MYO1D: variants seen among roughly 807,000 people sequenced by gnomAD.
MYO1D encodes the protein unconventional myosin-Id.
A neutral mutation model predicts 122.0 loss-of-function variants in MYO1D; 83 were observed. The ratio of observed to expected loss-of-function variants is 0.68; its 90% CI spans 0.57 to 0.82. The LOEUF is 0.82. Ranked by LOEUF, MYO1D falls within the 40% of genes least tolerant of loss-of-function variation. The probability of loss-of-function intolerance (pLI) is 0.00; values close to 1 mark genes in which losing one functional copy is unlikely to be tolerated. For missense variants in MYO1D, 1,157 were observed against 1,269.5 expected, an observed-to-expected ratio of 0.91 and a Z score of 1.35; for synonymous variants, 464 against 446.9, an observed-to-expected ratio of 1.04 and a Z score of -0.48.
chr17:32,738,449 G>A, intron 13 of MYO1D, 64 bp from the exon 14 acceptor site: 1 of 1,448,840 alleles, frequency 6.9e-7, no homozygotes, highest in Non-Finnish European at 9.2e-7. Context: ...AAACTGATAA[G>A]CAATTCTGCT....
At chr17:32,595,132 G>T (rs2087479075) in intron 21 of MYO1D, among the ~76,000 whole-genome samples, 1 of 152,096 alleles carries the variant, frequency 6.6e-6, no homozygotes, top group African/African-American at 2.4e-5. Flanking sequence ...TTCATATGGT[G>T]GTATGAAGGC....
At chr17:32,624,124 GA>G (rs2087890678) in intron 20 of MYO1D, among the ~76,000 whole-genome samples, 1 of 152,004 alleles carries the variant, frequency 6.6e-6, no homozygotes, top group Non-Finnish European at 1.5e-5. Flanking sequence ...CAACAAAAGT[GA>G]AAAAATTTGG....
At chr17:32,536,310 CAGG>C (rs936246263) in intron 21 of MYO1D, among the ~76,000 whole-genome samples, 2 of 152,154 alleles carry the variant, frequency 1.3e-5, no homozygotes, top group African/African-American at 2.4e-5. Context: ...GCTGGGATTG[CAGG>C]CATGAGCCAC....
intron 21 of MYO1D, among the ~76,000 whole-genome samples, chr17:32,563,114 G>T (rs749907260): frequency 2.0e-5 from 3 of 151,570 alleles, no homozygotes; most frequent in Non-Finnish European, 4.4e-5. Flanking sequence ...GATTATTAAT[G>T]AAGTTGAGCT....
chr17:32,743,687 G>A (rs565064913), intron 13 of MYO1D, among the ~76,000 whole-genome samples: 6 of 151,492 alleles, frequency 4.0e-5, no homozygotes, highest in Non-Finnish European at 7.4e-5. Flanking sequence ...GCGCGATCTC[G>A]GCTCACTGCA....
intron 11 of MYO1D, among the ~76,000 whole-genome samples, chr17:32,752,385 A>C (rs996921605): frequency 6.6e-6 from 1 of 152,200 alleles, no homozygotes; most frequent in Non-Finnish European, 1.5e-5. Flanking sequence ...ATTTATGACC[A>C]AGACCTCAAA....
intron 21 of MYO1D, among the ~76,000 whole-genome samples, chr17:32,535,014 C>T (rs1169867436): frequency 6.6e-6 from 1 of 151,794 alleles, no homozygotes; most frequent in Non-Finnish European, 1.5e-5. Flanking sequence ...TCGGCTAAGT[C>T]CATACAGATA....
At chr17:32,611,126 C>T (rs561579723) in intron 20 of MYO1D, among the ~76,000 whole-genome samples, 22 of 152,194 alleles carry the variant, frequency 1.4e-4, no homozygotes, top group African/African-American at 4.3e-4. Context: ...AAGAGGAGGC[C>T]GGCCTGAGAA....
At chr17:32,499,522 T>C (rs2150851713) in intron 21 of MYO1D, among the ~76,000 whole-genome samples, 1 of 151,928 alleles carries the variant, frequency 6.6e-6, no homozygotes, top group Middle Eastern at 3.4e-3. Context: ...TAATCCCAGC[T>C]ACTCGGGAGG....
intron 1 of MYO1D, among the ~76,000 whole-genome samples, chr17:32,843,526 T>C (rs2090904796): frequency 6.6e-6 from 1 of 152,186 alleles, no homozygotes; most frequent in East Asian, 1.9e-4. Context: ...AGTCACTAAA[T>C]CATCATGTAT....
chr17:32,656,731 C>G (rs2088481525), intron 17 of MYO1D, among the ~76,000 whole-genome samples: 1 of 152,204 alleles, frequency 6.6e-6, no homozygotes, highest in African/African-American at 2.4e-5. Flanking sequence ...AAAAGAGTGA[C>G]AGACTTAGAG....
At chr17:32,617,528 C>T (rs2087788310) in intron 20 of MYO1D, among the ~76,000 whole-genome samples, 1 of 152,158 alleles carries the variant, frequency 6.6e-6, no homozygotes, top group Admixed American at 6.5e-5. Flanking sequence ...GCAACCTCTG[C>T]CTCCTGGGTT....
intron 16 of MYO1D, among the ~76,000 whole-genome samples, chr17:32,675,786 T>C (rs2088799388): frequency 6.6e-6 from 1 of 152,132 alleles, no homozygotes; most frequent in Non-Finnish European, 1.5e-5. Context: ...CTTGATACTG[T>C]TTATGGTATA....
At chr17:32,615,402 G>A (rs1373543937) in intron 20 of MYO1D, among the ~76,000 whole-genome samples, 6 of 152,210 alleles carry the variant, frequency 3.9e-5, no homozygotes, top group African/African-American at 1.2e-4. Flanking sequence ...CGTAACAAAT[G>A]TGATGATCTA....
intron 16 of MYO1D, among the ~76,000 whole-genome samples, chr17:32,663,517 G>A (rs1323927436): frequency 9.2e-5 from 14 of 152,118 alleles, no homozygotes; most frequent in Non-Finnish European, 1.6e-4. Context: ...TTCAAATCTG[G>A]GTTGTATCAT....
In MYO1D at chr17:32,808,319, G is replaced by A. The variant is rs561994439; in HGVS notation, c.96-27535C>T. ...GAGCCCAGGAGTACGAGGCTGCAGT[G>A]AGATATGATCATGCCACTGCACTCC... On this transcript the variant is annotated intron_variant, in intron 1 of 21. Coordinates refer to ENST00000318217, the MANE Select transcript of MYO1D (RefSeq NM_015194.3). Among the ~76,000 whole-genome samples, 3 of 151,054 alleles carry A rather than the reference G, an allele frequency of 2.0e-5. No homozygotes were observed. The South Asian group carries it at 6.3e-4, about 32-fold the overall frequency.
chr17:32,786,828 A>G (rs1465074988), intron 1 of MYO1D, among the ~76,000 whole-genome samples: 1 of 152,170 alleles, frequency 6.6e-6, no homozygotes, highest in Non-Finnish European at 1.5e-5. Context: ...AAAAAAGAAA[A>G]AAGACGGTCA....
At chr17:32,822,155 A>C (rs1218925618) in intron 1 of MYO1D, among the ~76,000 whole-genome samples, 2 of 152,204 alleles carry the variant, frequency 1.3e-5, no homozygotes, top group African/African-American at 4.8e-5. Flanking sequence ...CTGGATTAAG[A>C]AAATGTGGCA....
intron 1 of MYO1D, among the ~76,000 whole-genome samples, chr17:32,798,514 T>C (rs771246267): frequency 6.6e-6 from 1 of 152,166 alleles, no homozygotes; most frequent in East Asian, 1.9e-4. Context: ...TGCTTCAACG[T>C]TGGGAGTGTC....
Sources: gnomAD v4.1 joint callset for allele counts (sites outside exome capture counted in the v4.1 genomes callset) on GRCh38, gnomAD v4.1.1 for gene constraint, MANE v1.5 for transcripts, NCBI Gene and HGNC (gene_info 2026-07-23, HGNC 2026-07-21) for gene names.